NFIA: variants seen among roughly 807,000 people sequenced by gnomAD.
NFIA encodes the protein nuclear factor I A.
A neutral mutation model predicts 62.8 loss-of-function variants in NFIA; 8 were observed. The ratio of observed to expected loss-of-function variants is 0.13; its 90% CI spans 0.07 to 0.23. The LOEUF is 0.23. Ranked by LOEUF, NFIA falls within the 10% of genes least tolerant of loss-of-function variation. The pLI is 1.00. For missense variants in NFIA, 410 were observed against 642.1 expected (o/e 0.64, Z 3.91); for synonymous variants, 235 against 238.1 (o/e 0.99, Z 0.12).
intron 2 of NFIA, among the ~76,000 whole-genome samples, chr1:61,190,003 A>G (rs553731146): frequency 6.6e-6 from 1 of 152,282 alleles, no homozygotes; most frequent in African/African-American, 2.4e-5. Flanking sequence ...TAATAATGAT[A>G]TTTAGTGAAT....
intron 3 of NFIA, among the ~76,000 whole-genome samples, chr1:61,311,907 C>T (rs1391011874): frequency 1.3e-5 from 2 of 152,186 alleles, no homozygotes; most frequent in Non-Finnish European, 1.5e-5. Flanking sequence ...GCTTGAAGCA[C>T]CTCCACCAGT....
chr1:61,351,860 T>C (rs1365813363), intron 4 of NFIA, among the ~76,000 whole-genome samples: 6 of 152,218 alleles, frequency 3.9e-5, no homozygotes, highest in Admixed American at 3.3e-4. Context: ...TGAAAGGCCA[T>C]GGCTATGCTC....
chr1:61,392,096 C>T (rs928948979), intron 7 of NFIA, among the ~76,000 whole-genome samples: 3 of 152,170 alleles, frequency 2.0e-5, no homozygotes, highest in Non-Finnish European at 4.4e-5. Context: ...GAGCATGGAA[C>T]AGAGAAGCAA....
intron 2 of NFIA, among the ~76,000 whole-genome samples, chr1:61,116,421 T>G (rs939849064): frequency 2.0e-5 from 3 of 152,184 alleles, no homozygotes; most frequent in East Asian, 3.8e-4. Context: ...GCTCTGAAAC[T>G]GTGCTTAGCA....
At chr1:61,098,540 A>G (rs1247686083) in intron 2 of NFIA, among the ~76,000 whole-genome samples, 1 of 152,182 alleles carries the variant, frequency 6.6e-6, no homozygotes, top group Non-Finnish European at 1.5e-5. Context: ...CTGAGAATGA[A>G]GTCTTTGTAA....
At chr1:61,191,355 A>G (rs1007848934) in intron 2 of NFIA, among the ~76,000 whole-genome samples, 1 of 152,212 alleles carries the variant, frequency 6.6e-6, no homozygotes, top group Non-Finnish European at 1.5e-5. Flanking sequence ...TTGCTATGAT[A>G]CAGGCTTCAC....
intron 2 of NFIA, among the ~76,000 whole-genome samples, chr1:61,263,423 G>A (rs917043439): frequency 1.1e-4 from 16 of 152,138 alleles, no homozygotes; most frequent in Admixed American, 9.8e-4. Context: ...TGATAACAGG[G>A]CATGACGGGC....
In NFIA at chr1:61,088,538, T is replaced by C; in HGVS notation, c.417T>C (p.Gly139=). 6.2e-7 allele frequency: 1 copy of C among 1,614,094 alleles called. No individual in the cohort carries two copies. Among genetic ancestry groups the C allele is most frequent in the Non-Finnish European group, 8.5e-7 (1 of 1,180,018 alleles). The change falls in exon 2 of 11, where the codon GGT becomes GGC. Residue 139 remains glycine, a synonymous_variant. Transcript: ENST00000403491. The surrounding 1 kb of genome is among the most constrained non-coding windows in gnomAD (Gnocchi z 4.5). ...LDLVMVILFK[G]IPLESTDGER... is the part of the protein sequence containing the mutation. ...TTGTTATGGTGATTTTGTTTAAAGG[T>C]ATTCCGCTGGAAAGTACTGATGGCG... is the stretch of plus-strand genomic sequence containing the variant.
chr1:61,344,017 G>A (rs755459640), intron 4 of NFIA, among the ~76,000 whole-genome samples: 6 of 152,156 alleles, frequency 3.9e-5, no homozygotes, highest in African/African-American at 1.4e-4. Context: ...CTGGCAGAGA[G>A]CACAAATTGA....
chr1:61,146,793 A>G (rs1648041134), intron 2 of NFIA, among the ~76,000 whole-genome samples: 1 of 152,154 alleles, frequency 6.6e-6, no homozygotes, highest in African/African-American at 2.4e-5. Flanking sequence ...AGACGTGTGT[A>G]AAGTCTGTGT....
At chr1:61,092,896 T>G (rs1423770697) in intron 2 of NFIA, among the ~76,000 whole-genome samples, 1 of 151,924 alleles carries the variant, frequency 6.6e-6, no homozygotes, top group East Asian at 1.9e-4. Context: ...TTCGTGTGCA[T>G]GTGCGTGCAC....
intron 2 of NFIA, among the ~76,000 whole-genome samples, chr1:61,249,665 C>T (rs1384538672): frequency 6.6e-6 from 1 of 151,986 alleles, no homozygotes; most frequent in Non-Finnish European, 1.5e-5. Flanking sequence ...ATTAGCTGGG[C>T]GCGGTGGCAG....
chr1:61,268,555 A>G (rs1657316662), intron 2 of NFIA, among the ~76,000 whole-genome samples: 3 of 152,014 alleles, frequency 2.0e-5, no homozygotes, highest in Admixed American at 1.3e-4. Context: ...TGAGGCCTTA[A>G]CCTTACTTTT....
At chr1:61,152,040 T>C (rs1648455402) in intron 2 of NFIA, among the ~76,000 whole-genome samples, 1 of 152,176 alleles carries the variant, frequency 6.6e-6, no homozygotes, top group African/African-American at 2.4e-5. Flanking sequence ...TAAAAATGTA[T>C]GTATCTTCCA....
intron 4 of NFIA, among the ~76,000 whole-genome samples, chr1:61,339,173 C>T (rs78229838): frequency 0.01 from 1,584 of 152,184 alleles, 25 homozygotes; most frequent in African/African-American, 0.036. Flanking sequence ...AAATGGAACT[C>T]GGCATAATTG....
chr1:61,276,648 C>G (rs536776054), intron 2 of NFIA, among the ~76,000 whole-genome samples: 1 of 152,174 alleles, frequency 6.6e-6, no homozygotes, highest in African/African-American at 2.4e-5. Context: ...CTCTCCTCTC[C>G]CCAAAAACTG....
intron 2 of NFIA, among the ~76,000 whole-genome samples, chr1:61,125,571 G>A (rs1010279192): frequency 1.5e-4 from 23 of 152,310 alleles, no homozygotes; most frequent in African/African-American, 5.5e-4. Context: ...GGACTCGTGT[G>A]TGGGGAATGG....
At chr1:61,148,704 C>G (rs2100517358) in intron 2 of NFIA, among the ~76,000 whole-genome samples, 1 of 152,300 alleles carries the variant, frequency 6.6e-6, no homozygotes, top group East Asian at 1.9e-4. Context: ...GCTACAGTAA[C>G]TGAAACAGAA....
intron 7 of NFIA, among the ~76,000 whole-genome samples, chr1:61,387,469 T>TGG (rs372534811): frequency 2.6e-5 from 2 of 75,644 alleles, no homozygotes; most frequent in Non-Finnish European, 5.3e-5. Context: ...AAGCACTTTC[T>TGG]TTTTTTTTTT....
Sources: gnomAD v4.1 joint callset for allele counts (sites outside exome capture counted in the v4.1 genomes callset) on GRCh38, gnomAD v4.1.1 for gene constraint, Gnocchi (gnomAD v3.1) non-coding constraint, MANE v1.5 for transcripts, NCBI Gene and HGNC (gene_info 2026-07-23, HGNC 2026-07-21) for gene names.